PPP2R2B: variants seen among roughly 807,000 people sequenced by gnomAD.
PPP2R2B encodes the protein serine/threonine-protein phosphatase 2A 55 kDa regulatory subunit B beta isoform.
A neutral mutation model predicts 46.0 loss-of-function variants in PPP2R2B; 5 were observed. The ratio of observed to expected loss-of-function variants is 0.11; its 90% CI spans 0.06 to 0.23. PPP2R2B has a LOEUF of 0.23. PPP2R2B is among the 10% of genes least tolerant of loss of function. The probability of loss-of-function intolerance (pLI) is 1.00; values close to 1 mark genes in which losing one functional copy is unlikely to be tolerated. For synonymous variants in PPP2R2B, 215 were observed against 206.7 expected (o/e 1.04, Z -0.34); for missense variants, 367 against 575.0 (o/e 0.64, Z 3.70).
intron 2 of PPP2R2B, among the ~76,000 whole-genome samples, chr5:146,747,493 G>A (rs1753264679): frequency 6.6e-6 from 1 of 152,324 alleles, no homozygotes; most frequent in East Asian, 1.9e-4. Context: ...GTCAGATAAT[G>A]TGAGAATGAA....
chr5:146,625,227 T>C (rs1363960635), intron 7 of PPP2R2B, among the ~76,000 whole-genome samples: 1 of 152,270 alleles, frequency 6.6e-6, no homozygotes, highest in Non-Finnish European at 1.5e-5. Context: ...GCTTTTTTAT[T>C]GCCATTTTCC....
chr5:146,822,610 A>G (rs1241002784), intron 2 of PPP2R2B, among the ~76,000 whole-genome samples: 4 of 142,722 alleles, frequency 2.8e-5, no homozygotes, highest in Non-Finnish European at 3.0e-5. Context: ...TTTACCACCC[A>G]CTCTCTATAT....
intron 2 of PPP2R2B, among the ~76,000 whole-genome samples, chr5:146,825,480 A>G (rs1468724905): frequency 6.6e-6 from 1 of 152,252 alleles, no homozygotes; most frequent in African/African-American, 2.4e-5. Context: ...ATTGAGGTAC[A>G]TGAATTTGCA....
In PPP2R2B at chr5:146,802,683, G is replaced by A. The variant is rs563119187; in HGVS notation, c.70+75319C>T. ...AAGACATGGGATTTCCTACAAGTAG[G>A]GTTTTGTCAGCAGGTTGGTAAACAG... On this transcript the variant is annotated intron_variant, in intron 2 of 9. Coordinates refer to ENST00000394411, the MANE Select transcript of PPP2R2B (RefSeq NM_181675.4). Among the ~76,000 whole-genome samples, 53 of 152,226 alleles carry A rather than the reference G, an allele frequency of 3.5e-4. No individual in the cohort carries two copies. The South Asian group carries it at 9.7e-3, about 28-fold the overall frequency.
intron 1 of PPP2R2B, among the ~76,000 whole-genome samples, chr5:146,929,371 C>G (rs1377418021): frequency 1.3e-5 from 2 of 152,114 alleles, no homozygotes; most frequent in African/African-American, 2.4e-5. Context: ...CAAAAAACAT[C>G]TGTTGAACGA....
intron 7 of PPP2R2B, among the ~76,000 whole-genome samples, chr5:146,605,891 T>A (rs1442706887): frequency 6.6e-6 from 1 of 152,226 alleles, no homozygotes; most frequent in Non-Finnish European, 1.5e-5. Flanking sequence ...CTATCTTATG[T>A]GCCTTGTGTA....
At chr5:146,881,279 C>T (rs1221377536), upstream of PPP2R2B, among the ~76,000 whole-genome samples, 1 of 152,180 alleles carries the variant, frequency 6.6e-6, no homozygotes, top group Non-Finnish European at 1.5e-5. Context: ...ACACGATAGT[C>T]CTGACTTCCG....
At chr5:146,825,933 T>C (rs946820404) in intron 2 of PPP2R2B, among the ~76,000 whole-genome samples, 15 of 152,166 alleles carry the variant, frequency 9.9e-5, no homozygotes, top group Admixed American at 2.6e-4. Flanking sequence ...TCTCCTCCAA[T>C]TCAGAACAGG....
intron 5 of PPP2R2B, among the ~76,000 whole-genome samples, chr5:146,651,318 T>C (rs1383852314): frequency 2.6e-5 from 4 of 152,176 alleles, no homozygotes; most frequent in African/African-American, 9.7e-5. Flanking sequence ...TTGGTTTATA[T>C]TTGTCTTAGA....
chr5:146,863,732 A>G (rs1001483840), intron 2 of PPP2R2B, among the ~76,000 whole-genome samples: 3 of 152,182 alleles, frequency 2.0e-5, no homozygotes, highest in Non-Finnish European at 2.9e-5. Flanking sequence ...AAAATATTGT[A>G]TAAACTTTTT....
chr5:147,048,971 T>C (rs565343033), intron 1 of PPP2R2B, among the ~76,000 whole-genome samples: 1 of 151,906 alleles, frequency 6.6e-6, no homozygotes, highest in East Asian at 1.9e-4. Context: ...AAAAAACAAG[T>C]AAATGGATGT....
chr5:146,828,816 A>G (rs1462142493), intron 2 of PPP2R2B, among the ~76,000 whole-genome samples: 2 of 152,220 alleles, frequency 1.3e-5, no homozygotes, highest in Non-Finnish European at 2.9e-5. Context: ...CTGATGTTCA[A>G]ATAACTCCTT....
At chr5:147,031,973 G>C (rs1014087162) in intron 1 of PPP2R2B, among the ~76,000 whole-genome samples, 3 of 152,142 alleles carry the variant, frequency 2.0e-5, no homozygotes, top group Non-Finnish European at 4.4e-5. Context: ...GAACCCTCTA[G>C]ACATTGGCTT....
chr5:146,819,000 C>G (rs1027341646), intron 2 of PPP2R2B, among the ~76,000 whole-genome samples: 6 of 152,298 alleles, frequency 3.9e-5, no homozygotes, highest in Admixed American at 3.3e-4. Context: ...CAACAGATGG[C>G]CTTCTCTGCA....
chr5:146,983,897 C>G (rs1035680704), intron 1 of PPP2R2B, among the ~76,000 whole-genome samples: 8 of 151,688 alleles, frequency 5.3e-5, no homozygotes, highest in African/African-American at 1.9e-4. Context: ...AAATTGTCTT[C>G]TTTTCCAACA....
intron 2 of PPP2R2B, among the ~76,000 whole-genome samples, chr5:146,847,244 A>G (rs114262212): frequency 8.5e-5 from 13 of 152,290 alleles, no homozygotes; most frequent in African/African-American, 2.9e-4. Flanking sequence ...GTAGTTGTCC[A>G]CTAACCCCAG....
chr5:146,598,550 T>G (rs1274488342), intron 8 of PPP2R2B, among the ~76,000 whole-genome samples: 3 of 152,242 alleles, frequency 2.0e-5, no homozygotes, highest in Non-Finnish European at 2.9e-5. Flanking sequence ...TCTGTTTGGA[T>G]GTTTAATTGG....
At chr5:146,653,149 C>T (rs180846163) in intron 5 of PPP2R2B, among the ~76,000 whole-genome samples, 1 of 152,212 alleles carries the variant, frequency 6.6e-6, no homozygotes, top group East Asian at 1.9e-4. Flanking sequence ...AAGTCACTGG[C>T]CCAGGGTTGC....
intron 2 of PPP2R2B, among the ~76,000 whole-genome samples, chr5:147,077,789 T>C (rs1223124317): frequency 6.6e-6 from 1 of 152,176 alleles, no homozygotes. Flanking sequence ...CCAAACAAAA[T>C]AGGGATTGTC....
Sources: gnomAD v4.1 joint callset for allele counts (sites outside exome capture counted in the v4.1 genomes callset) on GRCh38, gnomAD v4.1.1 for gene constraint, MANE v1.5 for transcripts, NCBI Gene and HGNC (gene_info 2026-07-23, HGNC 2026-07-21) for gene names.